The following LIN9 variants were observed in gnomAD, a reference collection of about 807,000 sequenced individuals.
LIN9 encodes protein lin-9 homolog.
A neutral mutation model predicts 78.0 loss-of-function variants in LIN9; 18 were observed. The observed-to-expected ratio is 0.23, with a 90% CI of 0.16 to 0.34. The LOEUF is 0.34. Ranked by LOEUF, LIN9 falls within the 10% of genes least tolerant of loss-of-function variation. The pLI, the probability that LIN9 is intolerant of heterozygous loss-of-function variation, is 1.00. For synonymous variants in LIN9, 192 were observed against 215.2 expected (o/e 0.89, Z 0.94); for missense variants, 451 against 644.1 (o/e 0.70, Z 3.25).
At chr1:226,260,776 CTGGGACTACAGGCA>C (rs1659530371) in intron 10 of LIN9, among the ~76,000 whole-genome samples, 1 of 151,456 alleles carries the variant, frequency 6.6e-6, no homozygotes, top group South Asian at 2.1e-4. Context: ...TCCCGAGTAA[CTGGGACTACAGGCA>C]CTGGCCACCA....
chr1:226,309,307 C>G (rs996050174), upstream of LIN9: 3 of 1,032,862 alleles, frequency 2.9e-6, no homozygotes, highest in African/African-American at 5.2e-5. Context: ...CCCGCGCCTG[C>G]CCGGGGAGGA....
chr1:226,283,275 T>C (rs958735079), intron 6 of LIN9, among the ~76,000 whole-genome samples: 4 of 138,206 alleles, frequency 2.9e-5, no homozygotes, highest in African/African-American at 1.1e-4. Flanking sequence ...GGGTAATTTT[T>C]GAATTTTTTT....
intron 7 of LIN9, among the ~76,000 whole-genome samples, chr1:226,276,360 T>G (rs1297918154): frequency 6.6e-6 from 1 of 152,230 alleles, no homozygotes; most frequent in Non-Finnish European, 1.5e-5. Context: ...TTTTCAAATA[T>G]GCTGTCTACC....
chr1:226,255,595 C>G (rs1659133247), intron 10 of LIN9, among the ~76,000 whole-genome samples: 1 of 151,942 alleles, frequency 6.6e-6, no homozygotes, highest in African/African-American at 2.4e-5. Flanking sequence ...TAAAAACCAG[C>G]CTTAGATATG....
intron 2 of LIN9, among the ~76,000 whole-genome samples, chr1:226,298,521 A>T (rs1662302904): frequency 6.6e-6 from 1 of 152,242 alleles, no homozygotes; most frequent in Non-Finnish European, 1.5e-5. Context: ...TTTAGAGCAC[A>T]TTTCTAAATG....
At chr1:226,266,723 A>G (rs908372553) in intron 8 of LIN9, among the ~76,000 whole-genome samples, 33 of 152,084 alleles carry the variant, frequency 2.2e-4, no homozygotes, top group African/African-American at 7.7e-4. Context: ...TTAGCCAGGG[A>G]GAAATATTTG....
intron 4 of LIN9, among the ~76,000 whole-genome samples, chr1:226,289,128 A>G (rs142534428): frequency 1.4e-3 from 206 of 152,144 alleles, no homozygotes; most frequent in African/African-American, 4.7e-3. Context: ...CCAGCTACTC[A>G]GGAGGCTGAG....
intron 11 of LIN9, among the ~76,000 whole-genome samples, chr1:226,246,792 CAAAA>C (rs34407541): frequency 2.6e-5 from 2 of 77,984 alleles, no homozygotes; most frequent in Non-Finnish European, 5.1e-5. Flanking sequence ...GACTCTGTCT[CAAAA>C]AAAAAAAAAA....
chr1:226,293,917 G>C (rs1332826355), intron 4 of LIN9, among the ~76,000 whole-genome samples: 1 of 152,142 alleles, frequency 6.6e-6, no homozygotes, highest in Non-Finnish European at 1.5e-5. Context: ...TCATTCTACA[G>C]AACATGAACA....
At chr1:226,268,360 C>T (rs970117820) in intron 7 of LIN9, among the ~76,000 whole-genome samples, 10 of 150,774 alleles carry the variant, frequency 6.6e-5, no homozygotes, top group Non-Finnish European at 1.5e-4. Context: ...CATTTAACTG[C>T]AAAAAAAACA....
rs781292087 is a variant in LIN9 at position 226,297,723 on chromosome 1, T to C, written c.155A>G (p.Glu52Gly). ...TAAGAAAAACTCACTCCTTACCATT[T>C]CCACAGCAGAGCTTGTATTCCTGCC... ...WKGRNTSSAV[E>G]MPFRNSKRSR... The change falls in exon 3 of 15, where the codon GAA becomes GGA. Residue 52 changes from glutamate (E) to glycine (G), a missense_variant. Transcript: ENST00000681046. The C allele has an allele frequency of 6.4e-7, 1 of 1,570,174 alleles. No homozygotes were observed. Among genetic ancestry groups the C allele is most frequent in the Non-Finnish European group, 8.6e-7 (1 of 1,160,890 alleles).
chr1:226,256,130 C>T (rs1459327540), intron 10 of LIN9, among the ~76,000 whole-genome samples: 1 of 152,016 alleles, frequency 6.6e-6, no homozygotes, highest in African/African-American at 2.4e-5. Context: ...CACCTCTAAT[C>T]CCAGCACTTT....
chr1:226,278,684 C>T (rs188115620), intron 6 of LIN9, among the ~76,000 whole-genome samples: 57 of 151,140 alleles, frequency 3.8e-4, no homozygotes, highest in African/African-American at 1.2e-3. Flanking sequence ...ATTAGACAGG[C>T]GTGGTGGCAG....
intron 12 of LIN9, among the ~76,000 whole-genome samples, chr1:226,236,852 TCCATTGTGTAATTATA>T (rs1657752008): frequency 6.6e-6 from 1 of 152,212 alleles, no homozygotes; most frequent in Non-Finnish European, 1.5e-5. Context: ...GGGTAGCATT[TCCATTGTGTAATTATA>T]CCATGTTTAT....
chr1:226,297,220 C>A (rs902219042), intron 3 of LIN9, among the ~76,000 whole-genome samples: 1 of 152,188 alleles, frequency 6.6e-6, no homozygotes, highest in South Asian at 2.1e-4. Flanking sequence ...AGGACTGTTT[C>A]ATGACAGACC....
rs111756973 is a variant in LIN9, at chr1:226,306,323, C to CA, written c.31+2785dup. On this transcript the variant is annotated intron_variant, in intron 1 of 14. Transcript: ENST00000681046. ...TAGGTGACACAGCAAGACTCTGTCTCAAAAAAAAAACAAAAGAAAAGAAAG... is the reference window on the plus strand; with the variant it reads ...TAGGTGACACAGCAAGACTCTGTCTCAAAAAAAAAAACAAAAGAAAAGAAAG... Among the ~76,000 whole-genome samples the CA allele has an allele frequency of 4.8e-3, 682 of 141,636 alleles. 8 individuals carry two copies. Among genetic ancestry groups the CA allele is most frequent in the African/African-American group, 0.014 (557 of 38,418 alleles). The allele number at this position is 141,636 out of a possible 152,430, so 92.9% of individuals were successfully genotyped here. A position where few individuals can be genotyped will look rare whatever the true frequency, so the allele number is the denominator to read the frequency against.
At chr1:226,275,465 G>T (rs1313745954) in intron 7 of LIN9, among the ~76,000 whole-genome samples, 2 of 152,008 alleles carry the variant, frequency 1.3e-5, no homozygotes, top group Non-Finnish European at 2.9e-5. Context: ...GGAGGCCGAG[G>T]CGGGTGGATT....
intron 11 of LIN9, among the ~76,000 whole-genome samples, chr1:226,241,314 T>C (rs1477277052): frequency 6.6e-6 from 1 of 152,214 alleles, no homozygotes; most frequent in African/African-American, 2.4e-5. Context: ...TAGTGTAACA[T>C]AAATTATAAC....
chr1:226,254,585 A>C (rs376027770), intron 10 of LIN9, among the ~76,000 whole-genome samples: 5 of 152,224 alleles, frequency 3.3e-5, no homozygotes, highest in Non-Finnish European at 5.9e-5. Context: ...CTCCATCCTA[A>C]CACCAGGTAA....
Sources: gnomAD v4.1 joint callset for allele counts (sites outside exome capture counted in the v4.1 genomes callset) on GRCh38, gnomAD v4.1.1 for gene constraint, MANE v1.5 for transcripts, NCBI Gene and HGNC (gene_info 2026-07-23, HGNC 2026-07-21) for gene names.